Variants in EAF2 observed in about 807,000 individuals in gnomAD.
The protein encoded by EAF2 is ELL associated factor 2.
Under a neutral mutation model 29.4 loss-of-function variants are expected in EAF2, and 29 were observed. That is an observed-to-expected ratio of 0.99 (90% confidence interval 0.73 to 1.35). EAF2 has a LOEUF of 1.35. Among genes scored for constraint, EAF2 ranks in the 40% most tolerant of loss-of-function variants. EAF2 has a pLI of 0.00. For synonymous variants in EAF2, 103 were observed against 102.5 expected (o/e 1.00, Z -0.03); for missense variants, 292 against 312.0 (o/e 0.94, Z 0.48).
intron 4 of EAF2, among the ~76,000 whole-genome samples, chr3:121,857,661 G>T (rs915422498): frequency 5.3e-5 from 8 of 151,974 alleles, no homozygotes; most frequent in African/African-American, 1.7e-4. Flanking sequence ...CCATATAAGA[G>T]AATTTGTATC....
chr3:121,874,052 C>A (rs1374708006), intron 5 of EAF2, among the ~76,000 whole-genome samples: 1 of 151,798 alleles, frequency 6.6e-6, no homozygotes, highest in Non-Finnish European at 1.5e-5. Flanking sequence ...TCATTGAATT[C>A]TTGCACTTAG....
At chr3:121,842,642 ATTG>A (rs1382000828) in intron 1 of EAF2, among the ~76,000 whole-genome samples, 2 of 152,194 alleles carry the variant, frequency 1.3e-5, no homozygotes, top group South Asian at 2.1e-4. Flanking sequence ...AATAGCTGTT[ATTG>A]TTGTTTTTGT....
chr3:121,881,487 G>T (rs2107549608), intron 5 of EAF2, among the ~76,000 whole-genome samples: 1 of 151,862 alleles, frequency 6.6e-6, no homozygotes, highest in African/African-American at 2.4e-5. Flanking sequence ...TTTTCCAATT[G>T]GTTATTTTTA....
chr3:121,835,501 T>G, intron 1 of EAF2, 110 bp downstream of exon 1: 1 of 975,508 alleles, frequency 1.0e-6, no homozygotes, highest in South Asian at 1.4e-5. Context: ...TGTTGGAGAC[T>G]ACGGGGCGGG....
intron 4 of EAF2, among the ~76,000 whole-genome samples, chr3:121,869,479 A>T (rs1328543544): frequency 1.3e-5 from 2 of 152,252 alleles, no homozygotes; most frequent in Admixed American, 6.5e-5. Context: ...ATGAAAAGAC[A>T]GAAGGCACAA....
intron 2 of EAF2, among the ~76,000 whole-genome samples, chr3:121,845,159 G>A (rs1025710883): frequency 6.6e-6 from 1 of 152,150 alleles, no homozygotes; most frequent in Non-Finnish European, 1.5e-5. Context: ...TGAAAAATGG[G>A]ATGGGCGCGG....
At chr3:121,842,170 T>A (rs1278470654) in intron 1 of EAF2, among the ~76,000 whole-genome samples, 1 of 151,868 alleles carries the variant, frequency 6.6e-6, no homozygotes, top group East Asian at 1.9e-4. Context: ...CAGGACAGAG[T>A]GAGACCCTGT....
intron 4 of EAF2, among the ~76,000 whole-genome samples, chr3:121,869,014 G>A (rs1708968939): frequency 6.6e-6 from 1 of 152,182 alleles, no homozygotes. Context: ...AAGTCATGCA[G>A]ACTATGTATC....
At chr3:121,860,172 A>T (rs1394853738) in intron 4 of EAF2, among the ~76,000 whole-genome samples, 1 of 152,232 alleles carries the variant, frequency 6.6e-6, no homozygotes, top group Non-Finnish European at 1.5e-5. Flanking sequence ...TATCAGGATG[A>T]TGCTGGCCTC....
intron 5 of EAF2, among the ~76,000 whole-genome samples, chr3:121,877,209 G>T (rs1232653268): frequency 6.6e-6 from 1 of 151,930 alleles, no homozygotes; most frequent in Non-Finnish European, 1.5e-5. Context: ...CTATGTATGT[G>T]TGTGTGTGCG....
chr3:121,854,840 A>G lies in EAF2; in HGVS notation c.338+17A>G. 1 of 1,529,736 alleles carries G rather than the reference A, an allele frequency of 6.5e-7. No homozygotes were observed. The highest frequency in any genetic ancestry group is 8.7e-7 in the Non-Finnish European group (1 of 1,148,380). The allele number at this position is 1,529,736 out of a possible 1,614,324, so 94.8% of individuals were successfully genotyped here. On this transcript the variant is annotated intron_variant, in intron 3 of 5. Coordinates refer to ENST00000273668, the MANE Select transcript of EAF2 (RefSeq NM_018456.6). ...AAAAACAAGGTATGTGGTTTAATGA[A>G]ATAAATTATATTATAAACATAAATT...
intron 4 of EAF2, among the ~76,000 whole-genome samples, chr3:121,872,292 T>C (rs1198351368): frequency 6.6e-6 from 1 of 151,944 alleles, no homozygotes; most frequent in African/African-American, 2.4e-5. Context: ...TTAAGTACAA[T>C]GGTTTAAATA....
intron 4 of EAF2, among the ~76,000 whole-genome samples, chr3:121,857,846 C>T (rs1248264528): frequency 5.3e-5 from 8 of 152,168 alleles, no homozygotes; most frequent in Non-Finnish European, 8.8e-5. Flanking sequence ...TGACAGGCCC[C>T]GGTGTGTGAT....
chr3:121,874,116 A>G (rs1386272145), intron 5 of EAF2, among the ~76,000 whole-genome samples: 1 of 151,818 alleles, frequency 6.6e-6, no homozygotes, highest in Non-Finnish European at 1.5e-5. Flanking sequence ...TAATAAAGGC[A>G]TGCAGGTTGG....
intron 2 of EAF2, among the ~76,000 whole-genome samples, chr3:121,849,864 A>G (rs9825248): frequency 0.25 from 37,257 of 151,208 alleles, 4,943 homozygotes; most frequent in Non-Finnish European, 0.28. Context: ...TTTAATTATT[A>G]CAAAATAACA....
At chr3:121,878,199 AG>A (rs1709134071) in intron 5 of EAF2, among the ~76,000 whole-genome samples, 1 of 152,148 alleles carries the variant, frequency 6.6e-6, no homozygotes, top group Non-Finnish European at 1.5e-5. Context: ...AGGGCTGAGA[AG>A]AAAAATAGAA....
chr3:121,866,989 A>G (rs1419502512), intron 4 of EAF2, among the ~76,000 whole-genome samples: 1 of 152,216 alleles, frequency 6.6e-6, no homozygotes, highest in Non-Finnish European at 1.5e-5. Flanking sequence ...TAAGAATCAG[A>G]TGGAAATTAT....
At chr3:121,867,080 T>C (rs1292730819) in intron 4 of EAF2, among the ~76,000 whole-genome samples, 1 of 152,222 alleles carries the variant, frequency 6.6e-6, no homozygotes, top group Non-Finnish European at 1.5e-5. Flanking sequence ...AGTTTACTTG[T>C]GGATGTATAG....
chr3:121,842,795 C>G (rs1708459374), intron 1 of EAF2, among the ~76,000 whole-genome samples: 1 of 152,134 alleles, frequency 6.6e-6, no homozygotes, highest in African/African-American at 2.4e-5. Context: ...ACTTATTTCC[C>G]TCAGTCCAAA....
Sources: gnomAD v4.1 joint callset for allele counts (sites outside exome capture counted in the v4.1 genomes callset) on GRCh38, gnomAD v4.1.1 for gene constraint, MANE v1.5 for transcripts, NCBI Gene and HGNC (gene_info 2026-07-23, HGNC 2026-07-21) for gene names.